The following MAPK10 variants were observed in gnomAD, a reference collection of about 807,000 sequenced individuals.
MAPK10 encodes JNK3 alpha protein kinase.
MAPK10 carries 25 observed loss-of-function variants against 59.3 expected under a neutral mutation model. The observed-to-expected ratio is 0.42, with a 90% CI of 0.31 to 0.59. The LOEUF (loss-of-function observed/expected upper bound fraction) is 0.59, where lower values mean the gene tolerates loss of function less well. MAPK10 is among the 20% of genes least tolerant of loss of function. The probability of loss-of-function intolerance (pLI) is 0.15; values close to 1 mark genes in which losing one functional copy is unlikely to be tolerated. For synonymous variants in MAPK10, 190 were observed against 200.5 expected, an observed-to-expected ratio of 0.95 and a Z score of 0.44; for missense variants, 351 against 568.9, an observed-to-expected ratio of 0.62 and a Z score of 3.90.
At chr4:86,089,541 C>T (rs1658307291) in intron 9 of MAPK10, 3 of 330,202 alleles carry the variant, frequency 9.1e-6, no homozygotes, top group Non-Finnish European at 1.6e-5. Flanking sequence ...AATTATAACT[C>T]AATGATTAAT....
chr4:86,103,670 A>AT (rs1055976178), intron 5 of MAPK10, among the ~76,000 whole-genome samples: 1 of 151,890 alleles, frequency 6.6e-6, no homozygotes, highest in Non-Finnish European at 1.5e-5. Context: ...CTACTTCATG[A>AT]TTTTTTTGTG....
intron 1 of MAPK10, among the ~76,000 whole-genome samples, chr4:86,400,815 T>C (rs1272111488): frequency 1.3e-5 from 2 of 152,170 alleles, no homozygotes; most frequent in African/African-American, 2.4e-5. Context: ...AAAGGCTTAA[T>C]TATGAGATCT....
intron 3 of MAPK10, among the ~76,000 whole-genome samples, chr4:86,190,888 A>ATAAATT (rs1295965549): frequency 1.3e-5 from 2 of 152,176 alleles, no homozygotes; most frequent in Non-Finnish European, 2.9e-5. Context: ...ATTTAGTGCT[A>ATAAATT]TAAATTTCCC....
chr4:86,585,313 A>G lies in MAPK10; in HGVS notation c.-263+8597T>C, dbSNP rs187184478. 3.9e-5 allele frequency among the ~76,000 whole-genome samples: 6 copies of G among 152,302 alleles called. No individual in the cohort carries two copies. The East Asian group carries it at 1.2e-3, about 29-fold the overall frequency. ...AGACAAATCATTGCCACAAATTACT[A>G]TGGGCAAGAAAACTGGAATATATTA... is the stretch of plus-strand genomic sequence containing the variant. On this transcript the variant is annotated intron_variant, in intron 1 of 4. Transcript: ENST00000502302.
At chr4:86,292,422 C>T (rs989237438) in intron 2 of MAPK10, among the ~76,000 whole-genome samples, 11 of 152,030 alleles carry the variant, frequency 7.2e-5, no homozygotes, top group Non-Finnish European at 1.0e-4. Context: ...CAACTGTATC[C>T]GTGGTATAGA....
chr4:86,460,259 C>T (rs895702668), intron 1 of MAPK10, among the ~76,000 whole-genome samples: 3 of 152,076 alleles, frequency 2.0e-5, no homozygotes, highest in Non-Finnish European at 4.4e-5. Context: ...TAGAAATGTA[C>T]ATCTTAAGTG....
intron 1 of MAPK10, among the ~76,000 whole-genome samples, chr4:86,471,606 C>A (rs1327066869): frequency 6.6e-6 from 1 of 152,072 alleles, no homozygotes; most frequent in Non-Finnish European, 1.5e-5. Flanking sequence ...AAAACATTTA[C>A]CATGTTATCA....
Position 86,551,528 on chromosome 4 carries a change from TTTCCTTCC to T in MAPK10, c.-263+42374_-263+42381del, listed in dbSNP as rs71657575. 6.6e-5 allele frequency among the ~76,000 whole-genome samples: 10 copies of T among 152,112 alleles called. No homozygotes were observed. In the East Asian group the frequency reaches 9.7e-4, roughly 15 times the overall value. Reference sequence around the variant, plus strand: ...CCTTCCTTGTTTTCTTCCTTCCATCTTTCCTTCCTTCCTTCCTTCCTTCTTTCCTTCCT... The same window carrying T: ...CCTTCCTTGTTTTCTTCCTTCCATCTTTCCTTCCTTCCTTCTTTCCTTCCT... On this transcript the variant is annotated intron_variant, in intron 1 of 4. Transcript: ENST00000502302.
intron 3 of MAPK10, among the ~76,000 whole-genome samples, chr4:86,160,742 A>C (rs2069335551): frequency 6.6e-6 from 1 of 152,026 alleles, no homozygotes; most frequent in Non-Finnish European, 1.5e-5. Flanking sequence ...TCCAGAATCT[A>C]AACCAAAGAC....
chr4:86,351,305 A>G (rs1731234426), intron 2 of MAPK10, among the ~76,000 whole-genome samples: 1 of 151,320 alleles, frequency 6.6e-6, no homozygotes, highest in Non-Finnish European at 1.5e-5. Flanking sequence ...ATGACAATGT[A>G]TTGTACAATA....
At chr4:86,263,610 CAT>C (rs2094108649) in intron 2 of MAPK10, among the ~76,000 whole-genome samples, 2 of 152,096 alleles carry the variant, frequency 1.3e-5, no homozygotes, top group Non-Finnish European at 2.9e-5. Context: ...GTTTTGGAGA[CAT>C]AAGCAGGATA....
Position 86,215,203 on chromosome 4 carries a change from T to C in MAPK10, c.-6-20796A>G, listed in dbSNP as rs1271030944. The stretch of plus-strand genomic sequence containing the variant: ...CAAACAGTACTGGGAAAACTGTATA[T>C]TCACATGCAAACAAATGAAGTTGGA... On this transcript the variant is annotated intron_variant, in intron 2 of 13. Coordinates refer to ENST00000641462, the MANE Select transcript of MAPK10 (RefSeq NM_138982.4). 2.6e-5 allele frequency among the ~76,000 whole-genome samples: 4 copies of C among 152,342 alleles called. No individual in the cohort carries two copies. The East Asian group carries it at 5.8e-4, about 22-fold the overall frequency.
chr4:86,088,332 C>T (rs1898248), intron 9 of MAPK10, among the ~76,000 whole-genome samples: 34,487 of 151,928 alleles, frequency 0.23, 4,129 homozygotes, highest in South Asian at 0.26. Context: ...GGGACTTTCA[C>T]CGTGCCCGGC....
At chr4:86,475,825 C>T (rs1487568144) in intron 1 of MAPK10, among the ~76,000 whole-genome samples, 1 of 152,060 alleles carries the variant, frequency 6.6e-6, no homozygotes, top group Non-Finnish European at 1.5e-5. Flanking sequence ...GCCTCCTTCA[C>T]TATGGGCAGC....
intron 12 of MAPK10, 146 bp from the exon 13 acceptor site, chr4:86,029,420 T>C (rs1011670915): frequency 1.1e-5 from 7 of 609,646 alleles, no homozygotes; most frequent in Non-Finnish European, 2.0e-5. Context: ...CTATTTCTAT[T>C]TCTATATTGC....
intron 1 of MAPK10, among the ~76,000 whole-genome samples, chr4:86,401,823 CAA>C (rs1743763888): frequency 1.3e-5 from 2 of 152,008 alleles, no homozygotes; most frequent in Admixed American, 1.3e-4. Flanking sequence ...ATTATCTTCC[CAA>C]AGAGAGAACC....
chr4:86,458,456 C>T (rs1321690809), intron 1 of MAPK10, among the ~76,000 whole-genome samples: 1 of 151,738 alleles, frequency 6.6e-6, no homozygotes, highest in Non-Finnish European at 1.5e-5. Flanking sequence ...AGCGAAACTC[C>T]ATCTCAAAAA....
chr4:86,067,484 C>T (rs2046982803), intron 10 of MAPK10, among the ~76,000 whole-genome samples: 1 of 152,054 alleles, frequency 6.6e-6, no homozygotes, highest in African/African-American at 2.4e-5. Flanking sequence ...TGGCTACTCC[C>T]CTTTGTAGGA....
intron 1 of MAPK10, among the ~76,000 whole-genome samples, chr4:86,570,521 T>C (rs1410300068): frequency 6.6e-6 from 1 of 152,160 alleles, no homozygotes; most frequent in Non-Finnish European, 1.5e-5. Flanking sequence ...TCTTTTGTTA[T>C]ATAAGTACCT....
Sources: gnomAD v4.1 joint callset for allele counts (sites outside exome capture counted in the v4.1 genomes callset) on GRCh38, gnomAD v4.1.1 for gene constraint, MANE v1.5 for transcripts, NCBI Gene and HGNC (gene_info 2026-07-23, HGNC 2026-07-21) for gene names.